Variants in EVC observed in about 807,000 individuals in gnomAD.
EVC encodes EvC ciliary complex subunit 1.
EVC carries 116 observed loss-of-function variants against 118.9 expected under a neutral mutation model. The ratio of observed to expected loss-of-function variants is 0.98; its 90% CI spans 0.84 to 1.14. EVC has a LOEUF of 1.14. Among genes scored for constraint, EVC ranks in the 50% most tolerant of loss-of-function variants. The pLI is 0.00. For missense variants in EVC, 1,401 were observed against 1,246.4 expected, an observed-to-expected ratio of 1.12 and a Z score of -1.87; for synonymous variants, 619 against 534.7, an observed-to-expected ratio of 1.16 and a Z score of -2.18.
chr4:5,723,727 T>G (rs1426274498), intron 2 of EVC, among the ~76,000 whole-genome samples: 1 of 152,092 alleles, frequency 6.6e-6, no homozygotes, highest in Non-Finnish European at 1.5e-5. Flanking sequence ...ACCTGTGAGG[T>G]CACAGGGACC....
In EVC at chr4:5,754,240, T is replaced by C. The variant is rs1730839699; in HGVS notation, c.1464+307T>C. ...GAGCACACAGATGGTGGCAATGGCG[T>C]GAAGGGAGCAATGTGTGGCCCAGAG... On this transcript the variant is annotated intron_variant, in intron 10 of 20. Coordinates refer to ENST00000264956, the MANE Select transcript of EVC (RefSeq NM_153717.3). The surrounding 1 kb of genome is among the most constrained non-coding windows in gnomAD (Gnocchi z 5.8). 6.6e-6 allele frequency among the ~76,000 whole-genome samples: 1 copy of C among 151,896 alleles called. No individual in the cohort carries two copies. Among genetic ancestry groups the C allele is most frequent in the Admixed American group, 6.6e-5 (1 of 15,264 alleles).
At chr4:5,802,202 A>C (rs1577640003) in intron 16 of EVC, 108 bp downstream of exon 16, 1 of 1,449,932 alleles carries the variant, frequency 6.9e-7, no homozygotes, top group East Asian at 2.3e-5. Context: ...TTGGGAATAT[A>C]ATTATTTCAG....
rs572471718 is a variant in EVC at position 5,738,071 on chromosome 4, G to T, written c.703-3645G>T. Among the ~76,000 whole-genome samples the T allele has an allele frequency of 6.6e-6, 1 of 152,306 alleles. No homozygotes were observed. Among genetic ancestry groups the T allele is most frequent in the East Asian group, 1.9e-4 (1 of 5,188 alleles). On this transcript the variant is annotated intron_variant, in intron 5 of 20. Coordinates refer to ENST00000264956, the MANE Select transcript of EVC (RefSeq NM_153717.3). The surrounding 1 kb of genome is among the most constrained non-coding windows in gnomAD (Gnocchi z 6.5). ...CAACATTAACAAGAGTTTGGAAGAGGTTGATTTCAATCCTCATGAATGACT... is the reference window on the plus strand; with the variant it reads ...CAACATTAACAAGAGTTTGGAAGAGTTTGATTTCAATCCTCATGAATGACT...
At chr4:5,747,364 A>G (rs73795043) in intron 7 of EVC, among the ~76,000 whole-genome samples, 3,606 of 152,286 alleles carry the variant, frequency 0.024, 129 homozygotes, top group African/African-American at 0.08. Context: ...TCAGCCGTGG[A>G]GTTAAATGGA....
intron 11 of EVC, among the ~76,000 whole-genome samples, chr4:5,774,602 G>C (rs765515828): frequency 5.9e-5 from 9 of 152,056 alleles, no homozygotes; most frequent in Non-Finnish European, 4.4e-5. Flanking sequence ...AGAAACCTGG[G>C]GAGGGCAGGT....
downstream of EVC, among the ~76,000 whole-genome samples, chr4:5,817,613 GT>G (rs1359390128): frequency 1.3e-5 from 2 of 152,154 alleles, no homozygotes; most frequent in African/African-American, 4.8e-5. Flanking sequence ...TCTTTTCATG[GT>G]TTTTCACTTC....
rs114206050 is a variant in EVC at position 5,754,287 on chromosome 4, G to A, written c.1464+354G>A. ...AGAGGGGACAAGCATGTCCCGGAGA[G>A]TAAGGCAGGCTCACACACCCAGGGA... On this transcript the variant is annotated intron_variant, in intron 10 of 20. Transcript: ENST00000264956. The surrounding 1 kb of genome is among the most constrained non-coding windows in gnomAD (Gnocchi z 5.8). Among the ~76,000 whole-genome samples, 602 of 152,302 alleles carry A rather than the reference G, an allele frequency of 4.0e-3. 4 individuals are homozygous for A. The highest frequency in any genetic ancestry group is 0.014 in the African/African-American group (578 of 41,560).
chr4:5,718,621 C>T (rs1474084326), intron 1 of EVC, among the ~76,000 whole-genome samples: 2 of 152,186 alleles, frequency 1.3e-5, no homozygotes, highest in African/African-American at 4.8e-5. Context: ...TGAGCACGTG[C>T]ATGCTGGGCA....
chr4:5,809,401 A>C, intron 18 of EVC, 117 bp from the exon 19 acceptor site: 1 of 876,378 alleles, frequency 1.1e-6, no homozygotes, highest in East Asian at 2.5e-5. Context: ...TCTCCTCCAC[A>C]CGGGAGACGT....
chr4:5,810,933 C>A lies in EVC; in HGVS notation c.2895-20C>A, dbSNP rs760828106. ...ATGGAGTCAGCGTTCTAACTGGCTGCCTTTCTTCTCTGTTTTAAGCAGCAA... is the reference window on the plus strand; with the variant it reads ...ATGGAGTCAGCGTTCTAACTGGCTGACTTTCTTCTCTGTTTTAAGCAGCAA... On this transcript the variant is annotated intron_variant, in intron 20 of 20. Transcript: ENST00000264956. 1.9e-5 allele frequency: 31 copies of A among 1,606,356 alleles called. No homozygotes were observed. The highest frequency in any genetic ancestry group is 2.6e-5 in the Non-Finnish European group (31 of 1,175,582).
chr4:5,828,303 T>C, the EVC span: 1 of 985,098 alleles, frequency 1.0e-6, no homozygotes, highest in East Asian at 1.1e-4. Context: ...ATGTCCTCAT[T>C]TGATGCTCAC....
intron 16 of EVC, 79 bp from the exon 17 acceptor site, chr4:5,804,651 C>T (rs577514737): frequency 4.1e-6 from 5 of 1,230,220 alleles, no homozygotes; most frequent in Middle Eastern, 1.9e-4. Context: ...ACTCACCCTG[C>T]ACCCCAGCAC....
intron 18 of EVC, 88 bp from the exon 19 acceptor site, chr4:5,809,430 T>C (rs1716529802): frequency 1.7e-6 from 2 of 1,193,608 alleles, no homozygotes; most frequent in Non-Finnish European, 2.5e-6. Context: ...GTGGCCAGCC[T>C]CAAGTGTCAG....
At chr4:5,761,056 G>A (rs949993651) in intron 11 of EVC, among the ~76,000 whole-genome samples, 1 of 152,162 alleles carries the variant, frequency 6.6e-6, no homozygotes, top group South Asian at 2.1e-4. Context: ...CTCCATTGCC[G>A]ATTGGAGAGC....
Position 5,731,176 on chromosome 4 carries a change from T to C in EVC, c.385-249T>C, listed in dbSNP as rs1016069953. On this transcript the variant is annotated intron_variant, in intron 3 of 20. Transcript: ENST00000264956. This position sits in a 1 kb window ranked among gnomAD's most constrained non-coding sequence, Gnocchi z 5.6. Reference sequence around the variant, plus strand: ...GGGGCACAGATCCAGGTTGGCAGTTTAGGGGAAGGAACCTGGTGCAGAGGG... The same window carrying C: ...GGGGCACAGATCCAGGTTGGCAGTTCAGGGGAAGGAACCTGGTGCAGAGGG... 1.3e-5 allele frequency among the ~76,000 whole-genome samples: 2 copies of C among 151,742 alleles called. No individual in the cohort carries two copies. Among genetic ancestry groups the C allele is most frequent in the Non-Finnish European group, 2.9e-5 (2 of 67,926 alleles).
intron 2 of EVC, among the ~76,000 whole-genome samples, chr4:5,724,124 A>T (rs1725419645): frequency 6.6e-6 from 1 of 152,106 alleles, no homozygotes; most frequent in South Asian, 2.1e-4. Context: ...AATAGTCCCC[A>T]CCTCCCCAAG....
chr4:5,824,703 C>G, the EVC span: 1 of 976,618 alleles, frequency 1.0e-6, no homozygotes. Flanking sequence ...GCTTACAAAG[C>G]CTAAAGTATT....
chr4:5,808,414 C>A, intron 18 of EVC, 87 bp downstream of exon 18: 1 of 1,586,144 alleles, frequency 6.3e-7, no homozygotes, highest in Non-Finnish European at 8.6e-7. Context: ...CACACGTCAG[C>A]CATGGGGACT....
In EVC at chr4:5,771,776, A is replaced by G. The variant is rs551776731; in HGVS notation, c.1564-11776A>G. On this transcript the variant is annotated intron_variant, in intron 11 of 20. Coordinates refer to ENST00000264956, the MANE Select transcript of EVC (RefSeq NM_153717.3). ...AAGGCAGTTTCCATGGTCCTTTATT[A>G]GGCTTAAAGGGTTATACACCATGAC... is the stretch of plus-strand genomic sequence containing the variant. Among the ~76,000 whole-genome samples the G allele has an allele frequency of 1.2e-4, 19 of 152,322 alleles. No individual in the cohort carries two copies. The South Asian group carries it at 2.5e-3, about 20-fold the overall frequency.
Sources: gnomAD v4.1 joint callset for allele counts (sites outside exome capture counted in the v4.1 genomes callset) on GRCh38, gnomAD v4.1.1 for gene constraint, Gnocchi (gnomAD v3.1) non-coding constraint, MANE v1.5 for transcripts, NCBI Gene and HGNC (gene_info 2026-07-23, HGNC 2026-07-21) for gene names.